MAD1L1: variants seen among roughly 807,000 people sequenced by gnomAD.
MAD1L1 encodes mitotic arrest deficient 1 like 1.
Under a neutral mutation model 96.9 loss-of-function variants are expected in MAD1L1, and 95 were observed. That is an observed-to-expected ratio of 0.98 (90% confidence interval 0.83 to 1.16). The LOEUF (loss-of-function observed/expected upper bound fraction) is 1.16, where lower values mean the gene tolerates loss of function less well. Among genes scored for constraint, MAD1L1 ranks in the 50% most tolerant of loss-of-function variants. MAD1L1 has a pLI of 0.00. For synonymous variants in MAD1L1, 473 were observed against 396.6 expected (o/e 1.19, Z -2.29); for missense variants, 1,007 against 954.4 (o/e 1.06, Z -0.73).
intron 11 of MAD1L1, among the ~76,000 whole-genome samples, chr7:2,102,807 G>A (rs937502982): frequency 1.3e-5 from 2 of 151,994 alleles, no homozygotes; most frequent in South Asian, 2.1e-4. Context: ...CGTCTCCACC[G>A]TCACCAGCAC....
At chr7:2,077,864 G>A (rs962839180) in intron 11 of MAD1L1, among the ~76,000 whole-genome samples, 2 of 152,232 alleles carry the variant, frequency 1.3e-5, no homozygotes, top group African/African-American at 4.8e-5. Flanking sequence ...CACAAGAACT[G>A]TACACAGAGC....
intron 18 of MAD1L1, among the ~76,000 whole-genome samples, chr7:1,890,396 C>T (rs918662342): frequency 6.6e-6 from 1 of 152,278 alleles, no homozygotes; most frequent in Middle Eastern, 3.4e-3. Context: ...AGCCTGGCAC[C>T]CCACCCCTTT....
chr7:1,887,030 C>G (rs1786078935), intron 18 of MAD1L1, among the ~76,000 whole-genome samples: 1 of 152,276 alleles, frequency 6.6e-6, no homozygotes, highest in African/African-American at 2.4e-5. Flanking sequence ...GACTCCACAT[C>G]TCTTTTTCTA....
Position 2,149,017 on chromosome 7 carries a change from T to C in MAD1L1, c.1073+135A>G, listed in dbSNP as rs1789442438. 15 of 736,988 alleles carry C rather than the reference T, an allele frequency of 2.0e-5. 1 individual carries two copies. The South Asian group carries it at 2.4e-4, about 12-fold the overall frequency. 45.7% of individuals were successfully genotyped at this position (736,988 alleles called of 1,614,324 possible). A position where few individuals can be genotyped will look rare whatever the true frequency, so the allele number is the denominator to read the frequency against. On this transcript the variant is annotated intron_variant, in intron 11 of 18. Coordinates refer to ENST00000265854, the MANE Select transcript of MAD1L1 (RefSeq NM_001013836.2). The stretch of plus-strand genomic sequence containing the variant: ...CTTCCCTCAAATCCCTGCTCCCCCA[T>C]CTCCTCCCAGACCAGGGCCAACCAC...
chr7:1,954,024 T>G (rs534681801), intron 16 of MAD1L1, among the ~76,000 whole-genome samples: 2 of 152,128 alleles, frequency 1.3e-5, no homozygotes, highest in South Asian at 2.1e-4. Context: ...CTAGCCTCAC[T>G]GTGTGTCCTG....
intron 11 of MAD1L1, among the ~76,000 whole-genome samples, chr7:2,117,130 A>G (rs1787745835): frequency 6.6e-6 from 1 of 152,214 alleles, no homozygotes; most frequent in African/African-American, 2.4e-5. Context: ...AAAGACCAGA[A>G]GCAGCTAAGA....
intron 18 of MAD1L1, among the ~76,000 whole-genome samples, chr7:1,856,584 C>T (rs893561691): frequency 2.0e-5 from 3 of 152,240 alleles, no homozygotes; most frequent in African/African-American, 7.2e-5. Context: ...GTATCCGCTG[C>T]GTGCTGTGTG....
chr7:1,875,012 C>A (rs1039500831), intron 18 of MAD1L1, among the ~76,000 whole-genome samples: 3 of 152,182 alleles, frequency 2.0e-5, no homozygotes, highest in Non-Finnish European at 2.9e-5. Flanking sequence ...GCCTCCTTCC[C>A]CTCTGCAGGG....
intron 14 of MAD1L1, among the ~76,000 whole-genome samples, chr7:1,984,834 G>A (rs955093819): frequency 9.2e-5 from 14 of 152,170 alleles, no homozygotes; most frequent in Non-Finnish European, 2.9e-5. Flanking sequence ...TTATGCTTTC[G>A]ATTTTGTAGC....
chr7:2,145,965 G>A (rs749291078), intron 11 of MAD1L1, among the ~76,000 whole-genome samples: 4 of 152,222 alleles, frequency 2.6e-5, no homozygotes, highest in South Asian at 2.1e-4. Flanking sequence ...CCAAGACAGC[G>A]ACTGTGGGAA....
chr7:2,059,984 G>C (rs1399845720), intron 12 of MAD1L1, among the ~76,000 whole-genome samples: 1 of 152,188 alleles, frequency 6.6e-6, no homozygotes, highest in Non-Finnish European at 1.5e-5. Context: ...AGAAATTAAA[G>C]GCCATCAAGG....
chr7:1,919,321 G>A (rs1373625247), intron 17 of MAD1L1, among the ~76,000 whole-genome samples: 1 of 152,258 alleles, frequency 6.6e-6, no homozygotes, highest in Non-Finnish European at 1.5e-5. Context: ...CCCGGCCTCA[G>A]ATGGACACAC....
chr7:1,984,008 T>C (rs1158767435), intron 14 of MAD1L1, among the ~76,000 whole-genome samples: 1 of 152,258 alleles, frequency 6.6e-6, no homozygotes, highest in Non-Finnish European at 1.5e-5. Context: ...ACTTCTTGGG[T>C]TGAAGGTTTA....
chr7:2,001,460 C>G (rs1020004727), intron 14 of MAD1L1, among the ~76,000 whole-genome samples: 23 of 152,394 alleles, frequency 1.5e-4, no homozygotes. Flanking sequence ...CCAGGAGAGC[C>G]TGCCTGGTCC....
chr7:2,167,984 G>T (rs1790519164), intron 10 of MAD1L1, among the ~76,000 whole-genome samples: 1 of 151,820 alleles, frequency 6.6e-6, no homozygotes, highest in Non-Finnish European at 1.5e-5. Context: ...GCAGATTGCA[G>T]AGTAAAGAAC....
At chr7:1,905,229 C>G (rs1406745941) in intron 17 of MAD1L1, among the ~76,000 whole-genome samples, 1 of 98,116 alleles carries the variant, frequency 1.0e-5, no homozygotes, top group Non-Finnish European at 2.3e-5. Context: ...TGATGAAGCA[C>G]TGTTCCAGGC....
chr7:1,950,272 G>GT (rs1779429069), intron 16 of MAD1L1, among the ~76,000 whole-genome samples: 1 of 152,108 alleles, frequency 6.6e-6, no homozygotes, highest in Non-Finnish European at 1.5e-5. Context: ...TGGTCACCAT[G>GT]TGATAGGGAA....
intron 16 of MAD1L1, among the ~76,000 whole-genome samples, chr7:1,955,397 T>G (rs1779682441): frequency 6.6e-6 from 1 of 152,134 alleles, no homozygotes; most frequent in Non-Finnish European, 1.5e-5. Context: ...TTCAAGCGAT[T>G]CTCCTGCCTC....
chr7:2,090,146 C>T (rs558986155), intron 11 of MAD1L1, among the ~76,000 whole-genome samples: 7 of 152,320 alleles, frequency 4.6e-5, no homozygotes, highest in South Asian at 4.1e-4. Flanking sequence ...TCCAAATGGT[C>T]GGTAAGGGGC....
Sources: gnomAD v4.1 joint callset for allele counts (sites outside exome capture counted in the v4.1 genomes callset) on GRCh38, gnomAD v4.1.1 for gene constraint, MANE v1.5 for transcripts, NCBI Gene and HGNC (gene_info 2026-07-23, HGNC 2026-07-21) for gene names.